Variants in OAF observed in about 807,000 individuals in gnomAD.
OAF encodes the protein out at first protein homolog.
In OAF, 13 loss-of-function variants were observed where a neutral mutation model predicts 22.5. The observed-to-expected ratio is 0.58, with a 90% CI of 0.38 to 0.92. OAF has a LOEUF of 0.92. Among genes scored for constraint, OAF ranks in the 40% least tolerant of loss-of-function variants. OAF has a pLI of 0.00. For missense variants in OAF, 347 were observed against 381.8 expected (o/e 0.91, Z 0.76); for synonymous variants, 175 against 170.5 (o/e 1.03, Z -0.21).
rs758705099 is a variant in OAF, at chr11:120,211,314, C to CGCT, written c.50_52dup (p.Leu17dup). On this transcript the variant is annotated inframe_insertion, in exon 1 of 4. Coordinates refer to ENST00000328965, the MANE Select transcript of OAF (RefSeq NM_178507.4). ...CCCGGGGTACCCCTGGCGCGCCCTG[C>CGCT]GCTGCTGCTGCTGCTGCCGCTGCTC... 8.4e-5 allele frequency: 115 copies of CGCT among 1,367,206 alleles called. No homozygotes were observed. The highest frequency in any genetic ancestry group is 9.3e-5 in the Non-Finnish European group (99 of 1,061,724). 84.7% of individuals were successfully genotyped at this position (1,367,206 alleles called of 1,614,324 possible). A position where few individuals can be genotyped will look rare whatever the true frequency, so the allele number is the denominator to read the frequency against.
chr11:120,224,198 T>A (rs1220380500), intron 1 of OAF, among the ~76,000 whole-genome samples: 1 of 152,168 alleles, frequency 6.6e-6, no homozygotes, highest in Non-Finnish European at 1.5e-5. Flanking sequence ...CTTCCATACC[T>A]CATCGTTCCA....
intron 1 of OAF, among the ~76,000 whole-genome samples, chr11:120,214,618 G>T (rs561841129): frequency 1.3e-5 from 2 of 152,222 alleles, no homozygotes; most frequent in African/African-American, 4.8e-5. Context: ...TGGGACCAAG[G>T]CTTCTGTCTG....
chr11:120,216,814 T>C (rs1390161880), intron 1 of OAF, among the ~76,000 whole-genome samples: 1 of 152,172 alleles, frequency 6.6e-6, no homozygotes, highest in Non-Finnish European at 1.5e-5. Flanking sequence ...GGAGATAAAC[T>C]TAGGACAGAC....
chr11:120,226,822 C>T lies in OAF; in HGVS notation c.373C>T (p.Pro125Ser), dbSNP rs776950790. Residue 125 changes from proline (P) to serine (S), a missense_variant, in exon 3 of 4, where the codon CCC becomes TCC. Physicochemically the swap from Pro to Ser is moderately conservative, Grantham distance 74. Transcript: ENST00000328965. ...ACTTCTCTCCCACACACAGAAAAAT[C>T]CCCGGGCAGTGCGGCAGGCGGAGGA... ...EAMAKLRQKN[P>S]RAVRQAEEVR... 6.3e-6 allele frequency: 10 copies of T among 1,594,692 alleles called. No homozygotes were observed. The African/African-American group carries it at 1.3e-4, about 21-fold the overall frequency.
At chr11:120,224,522 G>T (rs548797231) in intron 1 of OAF, among the ~76,000 whole-genome samples, 1 of 152,160 alleles carries the variant, frequency 6.6e-6, no homozygotes, top group Admixed American at 6.5e-5. Context: ...GTCCCTTGCC[G>T]CATGTATTGG....
At position 120,227,159 on chromosome 11, in the gene OAF, C is replaced by A. The variant is rs557778357; in HGVS notation, c.547+163C>A. On this transcript the variant is annotated intron_variant, in intron 3 of 3. Transcript: ENST00000328965. Reference sequence around the variant, plus strand: ...TGTTCAGGAGACATTTACTGAACACCTACAGAGATGTACTGGCGCAGGAAT... The same window carrying A: ...TGTTCAGGAGACATTTACTGAACACATACAGAGATGTACTGGCGCAGGAAT... Among the ~76,000 whole-genome samples, 10 of 152,326 alleles carry A rather than the reference C, an allele frequency of 6.6e-5. No individual in the cohort carries two copies. The South Asian group carries it at 8.3e-4, about 13-fold the overall frequency.
rs1591356428 is a variant in OAF, at chr11:120,211,040, C to G, written c.-240C>G. 1 of 168,948 alleles carries G rather than the reference C, an allele frequency of 5.9e-6. No individual in the cohort carries two copies. The allele number at this position is 168,948 out of a possible 1,614,324, so 10.5% of individuals were successfully genotyped here. ...AAACACAGGCTCGCAGCGCTGGAGC[C>G]CGGGGCCGCGGAGCCGGGCCGGGGC... is the stretch of plus-strand genomic sequence containing the variant. On this transcript the variant is annotated 5_prime_UTR_variant, in exon 1 of 4. Transcript: ENST00000328965.
intron 1 of OAF, among the ~76,000 whole-genome samples, chr11:120,224,687 T>C (rs1250328988): frequency 6.6e-6 from 1 of 152,164 alleles, no homozygotes; most frequent in Non-Finnish European, 1.5e-5. Context: ...TGCAGAGCCA[T>C]AGGGGTTCCC....
intron 3 of OAF, among the ~76,000 whole-genome samples, chr11:120,227,521 C>G (rs1392933947): frequency 6.6e-6 from 1 of 152,088 alleles, no homozygotes; most frequent in South Asian, 2.1e-4. Context: ...CACCCTGCCC[C>G]CCTCCACTGA....
At position 120,228,894 on chromosome 11, in the gene OAF, C is replaced by G. The variant is rs1938396675; in HGVS notation, c.574C>G (p.Leu192Val). The G allele has an allele frequency of 1.4e-6, 2 of 1,393,844 alleles. No homozygotes were observed. Among genetic ancestry groups the G allele is most frequent in the East Asian group, 4.0e-5 (1 of 25,022 alleles). 86.3% of individuals were successfully genotyped at this position (1,393,844 alleles called of 1,614,324 possible). The change falls in exon 4 of 4, where the codon CTG (leucine) becomes GTG (valine). Residue 192 changes from leucine (L) to valine (V), a missense_variant. Leu to Val is a conservative substitution (Grantham distance 32). Coordinates refer to ENST00000328965, the MANE Select transcript of OAF (RefSeq NM_178507.4). ...QGVDSSVFEA[L>V]PKASEQAELP... ...TGTGGACAGTTCTGTGTTCGAGGCT[C>G]TGCCCAAGGCCTCAGAGCAGGCGGA...
intron 1 of OAF, chr11:120,217,062 A>G (rs1040272020): frequency 1.3e-5 from 2 of 152,332 alleles, no homozygotes; most frequent in Admixed American, 1.3e-4. Flanking sequence ...AGTAGGCTAA[A>G]GAACCCTGGG....
At chr11:120,214,347 C>T (rs2135089341) in intron 1 of OAF, among the ~76,000 whole-genome samples, 1 of 152,340 alleles carries the variant, frequency 6.6e-6, no homozygotes. Context: ...GGGCTCAAGA[C>T]ATAGGAGCTG....
chr11:120,227,944 A>T (rs1393657661), intron 3 of OAF, among the ~76,000 whole-genome samples: 1 of 151,942 alleles, frequency 6.6e-6, no homozygotes, highest in Non-Finnish European at 1.5e-5. Context: ...CCCTGAGCCT[A>T]ATCAGGCCGG....
chr11:120,212,138 G>A (rs533605266), intron 1 of OAF, among the ~76,000 whole-genome samples: 7 of 152,146 alleles, frequency 4.6e-5, no homozygotes, highest in South Asian at 4.1e-4. Flanking sequence ...CCCAGCTGAG[G>A]CCCCCTCCCT....
In OAF at chr11:120,229,660, A is replaced by G. The variant is rs1777007944; in HGVS notation, c.*518A>G. 2 of 160,434 alleles carry G rather than the reference A, an allele frequency of 1.2e-5. No homozygotes were observed. The highest frequency in any genetic ancestry group is 1.1e-4 in the Admixed American group (2 of 17,396). The allele number at this position is 160,434 out of a possible 1,614,324, so 9.9% of individuals were successfully genotyped here. ...TGGGGACCCACGACGCAGCCCCTGT[A>G]CTGGATTACAGCATATTCTCATCTC... On this transcript the variant is annotated 3_prime_UTR_variant, in exon 4 of 4. Coordinates refer to ENST00000328965, the MANE Select transcript of OAF (RefSeq NM_178507.4).
At position 120,211,262 on chromosome 11, in the gene OAF, C is replaced by A. The variant is rs1416452831; in HGVS notation, c.-18C>A. 5.9e-6 allele frequency: 7 copies of A among 1,194,040 alleles called. No individual in the cohort carries two copies. In the South Asian group the frequency reaches 2.4e-4, roughly 42 times the overall value. 74.0% of individuals were successfully genotyped at this position (1,194,040 alleles called of 1,614,324 possible). A position where few individuals can be genotyped will look rare whatever the true frequency, so the allele number is the denominator to read the frequency against. On this transcript the variant is annotated 5_prime_UTR_variant, in exon 1 of 4. Transcript: ENST00000328965. ...CCACGCGGCGCGCCGGGGCCGCGGA[C>A]GGCAGCGGCCCCCGGGGATGCGCCT...
rs1344738312 is a variant in OAF at position 120,211,483 on chromosome 11, C to A, written c.204C>A (p.Leu68=). ...AGCTGCGCAAGCCCGACGGCACCCTCGTCTCCTTCACCGCCGACTTCAAGA... is the reference window on the plus strand; with the variant it reads ...AGCTGCGCAAGCCCGACGGCACCCTAGTCTCCTTCACCGCCGACTTCAAGA... ...SLELRKPDGT[L]VSFTADFKKD... The change falls in exon 1 of 4, where the codon CTC becomes CTA. Residue 68 remains leucine, a synonymous_variant. Transcript: ENST00000328965. 10 of 1,496,074 alleles carry A rather than the reference C, an allele frequency of 6.7e-6. No individual in the cohort carries two copies. Among genetic ancestry groups the A allele is most frequent in the Admixed American group, 6.5e-5 (3 of 45,876 alleles). 92.7% of individuals were successfully genotyped at this position (1,496,074 alleles called of 1,614,324 possible). A position where few individuals can be genotyped will look rare whatever the true frequency, so the allele number is the denominator to read the frequency against.
chr11:120,212,701 C>G (rs1412313512), intron 1 of OAF, among the ~76,000 whole-genome samples: 1 of 148,298 alleles, frequency 6.7e-6, no homozygotes, highest in Non-Finnish European at 1.5e-5. Flanking sequence ...GCCAGATTGC[C>G]ATAGTTAGCA....
chr11:120,223,231 C>T (rs1938305295), intron 1 of OAF, among the ~76,000 whole-genome samples: 1 of 152,172 alleles, frequency 6.6e-6, no homozygotes, highest in Non-Finnish European at 1.5e-5. Flanking sequence ...ACTAGCTGAT[C>T]CAGGAGGCAA....
Sources: gnomAD v4.1 joint callset for allele counts (sites outside exome capture counted in the v4.1 genomes callset) on GRCh38, gnomAD v4.1.1 for gene constraint, MANE v1.5 for transcripts, NCBI Gene and HGNC (gene_info 2026-07-23, HGNC 2026-07-21) for gene names.